CTIF: variants seen among roughly 807,000 people sequenced by gnomAD.
CTIF encodes the protein cap binding complex dependent translation initiation factor.
CTIF carries 21 observed loss-of-function variants against 66.0 expected under a neutral mutation model. That is an observed-to-expected ratio of 0.32 (90% CI 0.23 to 0.46). The LOEUF is 0.46. Among genes scored for constraint, CTIF ranks in the 20% least tolerant of loss-of-function variants. The probability of loss-of-function intolerance (pLI) is 1.00; values close to 1 mark genes in which losing one functional copy is unlikely to be tolerated. For synonymous variants in CTIF, 345 were observed against 326.4 expected (o/e 1.06, Z -0.62); for missense variants, 739 against 812.7 (o/e 0.91, Z 1.10).
chr18:48,747,387 GGGCCT>G (rs1240525994), intron 7 of CTIF, among the ~76,000 whole-genome samples: 2 of 152,226 alleles, frequency 1.3e-5, no homozygotes, highest in Non-Finnish European at 2.9e-5. Flanking sequence ...CTTGCATGGA[GGGCCT>G]GTAGCCAGAA....
At chr18:48,594,586 C>T (rs528183414) in intron 1 of CTIF, among the ~76,000 whole-genome samples, 1 of 152,152 alleles carries the variant, frequency 6.6e-6, no homozygotes, top group Non-Finnish European at 1.5e-5. Context: ...TTCCAACCCT[C>T]CCTCCATCCC....
intron 6 of CTIF, among the ~76,000 whole-genome samples, chr18:48,691,037 G>A (rs1447797224): frequency 6.6e-6 from 1 of 152,194 alleles, no homozygotes; most frequent in Non-Finnish European, 1.5e-5. Context: ...GGCAGACAGA[G>A]TGGCTGCAAC....
At chr18:48,680,372 G>T (rs1441734901) in intron 6 of CTIF, among the ~76,000 whole-genome samples, 2 of 152,236 alleles carry the variant, frequency 1.3e-5, no homozygotes, top group Non-Finnish European at 2.9e-5. Flanking sequence ...CTCAAAGAAG[G>T]CCAGATTGAG....
chr18:48,670,093 G>A (rs573055366), intron 5 of CTIF, among the ~76,000 whole-genome samples: 4 of 151,762 alleles, frequency 2.6e-5, no homozygotes, highest in Non-Finnish European at 5.9e-5. Flanking sequence ...GTCTGGTTTC[G>A]GAATCTGCAC....
rs193009613 is a variant in CTIF, at chr18:48,588,832, C to T, written c.-28-30706C>T. ...TCAGGAGGGGCCCAATGCAGGCTTGCGCAGCTGAACTGGACTTATCCTTGA... is the reference window on the plus strand; with the variant it reads ...TCAGGAGGGGCCCAATGCAGGCTTGTGCAGCTGAACTGGACTTATCCTTGA... On this transcript the variant is annotated intron_variant, in intron 1 of 11. Coordinates refer to ENST00000256413, the MANE Select transcript of CTIF (RefSeq NM_014772.3). Among the ~76,000 whole-genome samples, 89 of 152,344 alleles carry T rather than the reference C, an allele frequency of 5.8e-4. 1 individual carries two copies. The highest frequency in any genetic ancestry group is 2.0e-3 in the African/African-American group (83 of 41,588).
chr18:48,677,412 G>A (rs775928356), intron 6 of CTIF, among the ~76,000 whole-genome samples: 2 of 152,186 alleles, frequency 1.3e-5, no homozygotes, highest in Non-Finnish European at 2.9e-5. Flanking sequence ...TCCCATAGAC[G>A]GGGACATGGT....
chr18:48,547,137 G>A (rs1404270762), intron 1 of CTIF, among the ~76,000 whole-genome samples: 1 of 152,176 alleles, frequency 6.6e-6, no homozygotes, highest in African/African-American at 2.4e-5. Context: ...GTGCCCCTCG[G>A]TAGGAACCTT....
intron 7 of CTIF, among the ~76,000 whole-genome samples, chr18:48,740,405 A>C (rs1248345964): frequency 6.6e-6 from 1 of 151,538 alleles, no homozygotes; most frequent in Non-Finnish European, 1.5e-5. Flanking sequence ...CTGCAACCCC[A>C]CCCTCACTGG....
At chr18:48,686,966 A>C (rs540557394) in intron 6 of CTIF, among the ~76,000 whole-genome samples, 44 of 152,184 alleles carry the variant, frequency 2.9e-4, no homozygotes, top group Non-Finnish European at 4.9e-4. Context: ...GGGGGTTTAC[A>C]AGTTTTTGTA....
intron 3 of CTIF, among the ~76,000 whole-genome samples, chr18:48,641,024 T>C (rs1306580328): frequency 6.6e-6 from 1 of 152,176 alleles, no homozygotes; most frequent in Non-Finnish European, 1.5e-5. Context: ...CAGCTGTATT[T>C]GGGATTGCCT....
At chr18:48,642,342 C>A (rs1403404112) in intron 3 of CTIF, among the ~76,000 whole-genome samples, 1 of 152,074 alleles carries the variant, frequency 6.6e-6, no homozygotes, top group Non-Finnish European at 1.5e-5. Flanking sequence ...AGGGAGGTGT[C>A]TTGCAGGACA....
intron 1 of CTIF, among the ~76,000 whole-genome samples, chr18:48,542,472 T>C (rs2088643729): frequency 6.6e-6 from 1 of 152,244 alleles, no homozygotes; most frequent in African/African-American, 2.4e-5. Flanking sequence ...TCACTCAATA[T>C]GTACTGGGCA....
intron 7 of CTIF, among the ~76,000 whole-genome samples, chr18:48,732,277 G>A (rs941569020): frequency 8.5e-5 from 13 of 152,210 alleles, no homozygotes; most frequent in Non-Finnish European, 1.9e-4. Context: ...GTACCCAGGA[G>A]TAGCCAGTGA....
At chr18:48,586,701 C>T (rs149669849) in intron 1 of CTIF, among the ~76,000 whole-genome samples, 1 of 152,164 alleles carries the variant, frequency 6.6e-6, no homozygotes, top group Non-Finnish European at 1.5e-5. Context: ...TTATGCTCTG[C>T]TCATTTTGCT....
intron 1 of CTIF, among the ~76,000 whole-genome samples, chr18:48,579,153 G>T (rs1244146776): frequency 6.6e-6 from 1 of 151,920 alleles, no homozygotes; most frequent in Non-Finnish European, 1.5e-5. Context: ...TTTGACATGG[G>T]GTCTTGCTCT....
intron 1 of CTIF, among the ~76,000 whole-genome samples, chr18:48,604,153 A>AT (rs1208445821): frequency 9.3e-4 from 48 of 51,562 alleles, no homozygotes; most frequent in African/African-American, 1.9e-3. Flanking sequence ...TGACTCCGTG[A>AT]TTTTTTTTTT....
chr18:48,668,327 C>G (rs2091468805), intron 5 of CTIF, among the ~76,000 whole-genome samples: 1 of 152,208 alleles, frequency 6.6e-6, no homozygotes, highest in African/African-American at 2.4e-5. Flanking sequence ...TCTAGTCAAG[C>G]CAAGTCCCCA....
intron 3 of CTIF, among the ~76,000 whole-genome samples, chr18:48,659,903 T>C (rs566556263): frequency 2.0e-5 from 3 of 152,168 alleles, no homozygotes; most frequent in Non-Finnish European, 2.9e-5. Context: ...CATTTAAATA[T>C]GGATGTAGGC....
chr18:48,686,409 A>T (rs1026709012), intron 6 of CTIF, among the ~76,000 whole-genome samples: 2 of 152,154 alleles, frequency 1.3e-5, no homozygotes, highest in African/African-American at 2.4e-5. Flanking sequence ...TTCTGGGCTT[A>T]TCTGGTATTT....
Sources: gnomAD v4.1 joint callset for allele counts (sites outside exome capture counted in the v4.1 genomes callset) on GRCh38, gnomAD v4.1.1 for gene constraint, MANE v1.5 for transcripts, NCBI Gene and HGNC (gene_info 2026-07-23, HGNC 2026-07-21) for gene names.